Variants in SEC23IP observed in about 807,000 individuals in gnomAD.
SEC23IP encodes SEC23 interacting protein.
In SEC23IP, 70 loss-of-function variants were observed where a neutral mutation model predicts 113.4. That is an observed-to-expected ratio of 0.62 (90% CI 0.51 to 0.75). The LOEUF (loss-of-function observed/expected upper bound fraction) is 0.75, where lower values mean the gene tolerates loss of function less well. SEC23IP is among the 30% of genes least tolerant of loss of function. The probability of loss-of-function intolerance (pLI) is 0.00; values close to 1 mark genes in which losing one functional copy is unlikely to be tolerated. For missense variants in SEC23IP, 1,160 were observed against 1,204.9 expected, an observed-to-expected ratio of 0.96 and a Z score of 0.55; for synonymous variants, 398 against 421.0, an observed-to-expected ratio of 0.95 and a Z score of 0.67.
Position 119,915,908 on chromosome 10 carries a change from C to G in SEC23IP, c.1544+19C>G. 1 of 1,449,062 alleles carries G rather than the reference C, an allele frequency of 6.9e-7. No individual in the cohort carries two copies. Among genetic ancestry groups the G allele is most frequent in the Admixed American group, 2.4e-5 (1 of 40,870 alleles). 89.8% of individuals were successfully genotyped at this position (1,449,062 alleles called of 1,614,324 possible). A position where few individuals can be genotyped will look rare whatever the true frequency, so the allele number is the denominator to read the frequency against. The stretch of plus-strand genomic sequence containing the variant: ...TGGACAGGTTTGTGGATTTTGATAA[C>G]TTGTTTTTCAGATTAGTCATATTTA... On this transcript the variant is annotated intron_variant, in intron 8 of 18. Coordinates refer to ENST00000369075, the MANE Select transcript of SEC23IP (RefSeq NM_007190.4).
intron 2 of SEC23IP, among the ~76,000 whole-genome samples, chr10:119,900,426 C>T (rs1034653838): frequency 2.6e-5 from 4 of 151,838 alleles, no homozygotes; most frequent in Non-Finnish European, 5.9e-5. Flanking sequence ...CCCCCTACCT[C>T]AGCCTCACCA....
intron 6 of SEC23IP, among the ~76,000 whole-genome samples, chr10:119,912,798 G>A (rs192268822): frequency 3.3e-5 from 5 of 151,672 alleles, no homozygotes; most frequent in South Asian, 2.1e-4. Context: ...GCACCACCAC[G>A]CCCGGCTAAT....
At chr10:119,901,910 C>A (rs921151801) in intron 2 of SEC23IP, among the ~76,000 whole-genome samples, 2 of 152,122 alleles carry the variant, frequency 1.3e-5, no homozygotes, top group African/African-American at 4.8e-5. Context: ...TTGTCTCGAA[C>A]TCCTGACCTT....
chr10:119,941,741 T>C lies in SEC23IP; in HGVS notation c.*1176T>C, dbSNP rs747545388. On this transcript the variant is annotated 3_prime_UTR_variant, in exon 19 of 19. Transcript: ENST00000369075. Reference sequence around the variant, plus strand: ...ATGCATTTTTTAAGCAGCAAACTTATGTATTTCTCTTGTCTTCCTTAAAAG... The same window carrying C: ...ATGCATTTTTTAAGCAGCAAACTTACGTATTTCTCTTGTCTTCCTTAAAAG... 12 of 152,680 alleles carry C rather than the reference T, an allele frequency of 7.9e-5. No homozygotes were observed. Among genetic ancestry groups the C allele is most frequent in the African/African-American group, 2.4e-4 (10 of 41,468 alleles). 9.5% of individuals were successfully genotyped at this position (152,680 alleles called of 1,614,324 possible).
chr10:119,937,054 A>C (rs1388869656), intron 18 of SEC23IP, among the ~76,000 whole-genome samples: 1 of 151,088 alleles, frequency 6.6e-6, no homozygotes, highest in African/African-American at 2.4e-5. Flanking sequence ...TGCCCAGCTA[A>C]TTTTTTGTAT....
intron 1 of SEC23IP, 40 bp from the exon 2 acceptor site, chr10:119,898,387 G>C: frequency 6.4e-7 from 1 of 1,563,964 alleles, no homozygotes; most frequent in Non-Finnish European, 8.7e-7. Context: ...CGGAGTGATA[G>C]AGTACCCTTT....
chr10:119,897,540 G>A (rs778457697), intron 1 of SEC23IP, among the ~76,000 whole-genome samples: 3 of 152,160 alleles, frequency 2.0e-5, no homozygotes, highest in Non-Finnish European at 4.4e-5. Context: ...AATACCACGT[G>A]TTCATTTGTA....
chr10:119,933,789 T>G lies in SEC23IP; in HGVS notation c.*20+2T>G. On this transcript the variant is annotated splice_donor_variant, in intron 18 of 18. Transcript: ENST00000369075. LOFTEE classifies it low-confidence loss of function (3UTR_SPLICE). Reference sequence around the variant, plus strand: ...TTGATCAAACTTCAGTTTTACTGTGTGAGTTTATCCTTATTGAATGTATAA... The same window carrying G: ...TTGATCAAACTTCAGTTTTACTGTGGGAGTTTATCCTTATTGAATGTATAA... 1.5e-6 allele frequency: 2 copies of G among 1,327,610 alleles called. No homozygotes were observed. The highest frequency in any genetic ancestry group is 2.2e-6 in the Non-Finnish European group (2 of 920,868). The allele number at this position is 1,327,610 out of a possible 1,614,324, so 82.2% of individuals were successfully genotyped here.
At position 119,915,873 on chromosome 10, in the gene SEC23IP, G is replaced by T. The variant is rs772731225; in HGVS notation, c.1528G>T (p.Ala510Ser). Residue 510 changes from alanine to serine, a missense_variant, in exon 8 of 19, where the codon GCC becomes TCC. By Grantham distance (99) the Ala-to-Ser change is moderately conservative. Transcript: ENST00000369075. Reference protein sequence around the residue: ...VHWHSSLGGDATGVDRNIKKI... With the variant: ...VHWHSSLGGDSTGVDRNIKKI... ...TTGGCATAGTTCTTTGGGTGGGGAC[G>T]CCACAGGTGTGGACAGGTTTGTGGA... 7.0e-6 allele frequency: 11 copies of T among 1,569,934 alleles called. No homozygotes were observed. The highest frequency in any genetic ancestry group is 1.2e-5 in the South Asian group (1 of 81,342).
rs1211289723 is a variant in SEC23IP at position 119,936,576 on chromosome 10, C to T, written c.*20+2789C>T. On this transcript the variant is annotated intron_variant, in intron 18 of 18. Coordinates refer to ENST00000369075, the MANE Select transcript of SEC23IP (RefSeq NM_007190.4). The stretch of plus-strand genomic sequence containing the variant: ...AAAAAAAAAAAAAAGCTTTTTGATC[C>T]CTACATTTTGCTAAATTGCATTCCA... Among the ~76,000 whole-genome samples the T allele has an allele frequency of 2.0e-5, 3 of 150,818 alleles. 1 individual carries two copies. In the East Asian group the frequency reaches 5.8e-4, roughly 29 times the overall value.
chr10:119,912,577 T>G (rs895311942), intron 6 of SEC23IP, among the ~76,000 whole-genome samples: 1 of 152,138 alleles, frequency 6.6e-6, no homozygotes, highest in African/African-American at 2.4e-5. Flanking sequence ...CCTCAAACAT[T>G]CATCATTTCT....
intron 14 of SEC23IP, among the ~76,000 whole-genome samples, chr10:119,930,051 A>G (rs1855546771): frequency 6.6e-6 from 1 of 152,218 alleles, no homozygotes; most frequent in Non-Finnish European, 1.5e-5. Context: ...TGATTTTATA[A>G]GGTTCAGCTT....
At chr10:119,900,116 A>G (rs1839770545) in intron 2 of SEC23IP, among the ~76,000 whole-genome samples, 1 of 151,734 alleles carries the variant, frequency 6.6e-6, no homozygotes, top group Non-Finnish European at 1.5e-5. Flanking sequence ...AAAATACATT[A>G]TGATTCTTTA....
intron 13 of SEC23IP, among the ~76,000 whole-genome samples, chr10:119,927,405 A>G (rs948268718): frequency 3.3e-5 from 5 of 152,126 alleles, no homozygotes; most frequent in South Asian, 2.1e-4. Context: ...TGGTGGTGGG[A>G]CTATTTTCTC....
At chr10:119,920,563 A>T (rs1420844283) in intron 11 of SEC23IP, among the ~76,000 whole-genome samples, 1 of 152,226 alleles carries the variant, frequency 6.6e-6, no homozygotes, top group Non-Finnish European at 1.5e-5. Context: ...AAAGAGAGCA[A>T]GTTTCCACAG....
rs1397820773 is a variant in SEC23IP at position 119,919,522 on chromosome 10, G to A, written c.1951G>A (p.Glu651Lys). The change falls in exon 11 of 19, where the codon GAA (glutamate) becomes AAA (lysine). Residue 651 changes from glutamate to lysine, a missense_variant. Glu to Lys is a moderately conservative substitution (Grantham distance 56). Coordinates refer to ENST00000369075, the MANE Select transcript of SEC23IP (RefSeq NM_007190.4). Reference protein sequence around the residue: ...VENKEVLTLQETLEALSLSEY... With the variant: ...VENKEVLTLQKTLEALSLSEY... ...AAATAAAGAAGTCCTAACTTTGCAA[G>A]AAACTCTGGAAGCACTTAGCCTCTC... is the stretch of plus-strand genomic sequence containing the variant. 3.1e-6 allele frequency: 5 copies of A among 1,613,566 alleles called. No individual in the cohort carries two copies. The highest frequency in any genetic ancestry group is 4.2e-6 in the Non-Finnish European group (5 of 1,179,822).
At chr10:119,935,651 CAG>C (rs1300805780) in intron 18 of SEC23IP, among the ~76,000 whole-genome samples, 2 of 152,158 alleles carry the variant, frequency 1.3e-5, no homozygotes, top group Non-Finnish European at 2.9e-5. Flanking sequence ...GGTTTCACAG[CAG>C]TGGACCAAAG....
intron 6 of SEC23IP, chr10:119,914,488 A>G (rs34233178): frequency 0.08 from 37,793 of 472,058 alleles, 2,739 homozygotes; most frequent in South Asian, 0.25. Flanking sequence ...ATCATGTGCT[A>G]TTAGCTTCCA....
Position 119,942,829 on chromosome 10 carries a change from A to C in SEC23IP, c.*2264A>C, listed in dbSNP as rs537717498. ...CGTGCTTCTTGAATCCAACCAGACA[A>C]GCATGTTTTCTCAAAACCACAGTAT... On this transcript the variant is annotated 3_prime_UTR_variant, in exon 19 of 19. Transcript: ENST00000369075. 1 of 152,322 alleles carries C rather than the reference A, an allele frequency of 6.6e-6. No individual in the cohort carries two copies. Among genetic ancestry groups the C allele is most frequent in the East Asian group, 1.9e-4 (1 of 5,182 alleles). The allele number at this position is 152,322 out of a possible 1,614,324, so 9.4% of individuals were successfully genotyped here.
Sources: allele counts gnomAD v4.1 joint callset (sites outside exome capture counted in the v4.1 genomes callset), GRCh38; gene constraint gnomAD v4.1.1; transcripts MANE v1.5; gene names NCBI Gene and HGNC (gene_info 2026-07-23, HGNC 2026-07-21).